Variants in OXR1 observed in about 807,000 individuals in gnomAD.
OXR1 encodes the protein oxidation resistance protein 1.
In OXR1, 41 loss-of-function variants were observed where a neutral mutation model predicts 104.6. The observed-to-expected ratio is 0.39, with a 90% CI of 0.31 to 0.51. OXR1 has a LOEUF of 0.51. Ranked by LOEUF, OXR1 falls within the 20% of genes least tolerant of loss-of-function variation. The pLI is 0.77. For synonymous variants in OXR1, 348 were observed against 348.4 expected (o/e 1.00, Z 0.01); for missense variants, 955 against 1,031.9 (o/e 0.93, Z 1.02).
intron 3 of OXR1, among the ~76,000 whole-genome samples, chr8:106,536,848 C>T (rs768024242): frequency 3.3e-5 from 5 of 152,156 alleles, no homozygotes; most frequent in Non-Finnish European, 5.9e-5. Context: ...TCTAACCAAA[C>T]TCACAAAGGA....
At chr8:106,304,409 A>G (rs2130104226) in intron 1 of OXR1, among the ~76,000 whole-genome samples, 1 of 152,310 alleles carries the variant, frequency 6.6e-6, no homozygotes, top group East Asian at 1.9e-4. Flanking sequence ...AGTCAGATGA[A>G]TCCACAGATT....
At chr8:106,443,172 T>C (rs1196682892) in intron 2 of OXR1, among the ~76,000 whole-genome samples, 1 of 152,224 alleles carries the variant, frequency 6.6e-6, no homozygotes, top group South Asian at 2.1e-4. Flanking sequence ...TTAGGAGTCA[T>C]TCAGGAACAC....
chr8:106,718,756 G>A (rs1045025679), intron 11 of OXR1, among the ~76,000 whole-genome samples: 15 of 151,482 alleles, frequency 9.9e-5, no homozygotes, highest in Non-Finnish European at 1.9e-4. Flanking sequence ...GGAGAATGGC[G>A]TGAACCTGGG....
chr8:106,716,900 T>TA (rs1832317165), intron 11 of OXR1, among the ~76,000 whole-genome samples: 1 of 152,194 alleles, frequency 6.6e-6, no homozygotes, highest in African/African-American at 2.4e-5. Context: ...ACTAAGTGCC[T>TA]AAAAAAATGT....
chr8:106,551,293 G>T (rs1815783465), intron 3 of OXR1, among the ~76,000 whole-genome samples: 1 of 152,164 alleles, frequency 6.6e-6, no homozygotes, highest in African/African-American at 2.4e-5. Flanking sequence ...GCTGTGATTA[G>T]GGAATATTTC....
intron 2 of OXR1, among the ~76,000 whole-genome samples, chr8:106,508,356 T>G (rs965364655): frequency 6.6e-6 from 1 of 152,214 alleles, no homozygotes; most frequent in African/African-American, 2.4e-5. Flanking sequence ...TTTTATAATT[T>G]TTTTTCTGAA....
At chr8:106,687,329 T>G (rs1828833080) in intron 6 of OXR1, among the ~76,000 whole-genome samples, 1 of 152,206 alleles carries the variant, frequency 6.6e-6, no homozygotes, top group Admixed American at 6.5e-5. Flanking sequence ...CCCCCTTACC[T>G]CTTTAGGGAT....
At chr8:106,373,571 G>T (rs1359579430) in intron 2 of OXR1, among the ~76,000 whole-genome samples, 1 of 152,114 alleles carries the variant, frequency 6.6e-6, no homozygotes, top group East Asian at 1.9e-4. Flanking sequence ...CTATGGTACT[G>T]GTTATAGATG....
chr8:106,724,370 A>G (rs1338363095), intron 11 of OXR1, among the ~76,000 whole-genome samples: 4 of 152,176 alleles, frequency 2.6e-5, no homozygotes, highest in African/African-American at 9.7e-5. Flanking sequence ...ACTTAGCAAT[A>G]TGTATTATAA....
At chr8:106,274,139 T>C (rs988821220) in intron 1 of OXR1, among the ~76,000 whole-genome samples, 1 of 152,176 alleles carries the variant, frequency 6.6e-6, no homozygotes, top group African/African-American at 2.4e-5. Flanking sequence ...GGTAAGAATG[T>C]CGTATAATTT....
chr8:106,383,460 C>G (rs1196800376), intron 2 of OXR1, among the ~76,000 whole-genome samples: 1 of 152,156 alleles, frequency 6.6e-6, no homozygotes, highest in Admixed American at 6.6e-5. Flanking sequence ...GATGTGTGCC[C>G]TTGTCATTGC....
At chr8:106,369,941 A>G (rs1816635176) in intron 2 of OXR1, among the ~76,000 whole-genome samples, 1 of 152,196 alleles carries the variant, frequency 6.6e-6, no homozygotes, top group South Asian at 2.1e-4. Context: ...GAAGAATGTC[A>G]GTGATAGTTT....
chr8:106,546,998 C>G (rs1815407272), intron 3 of OXR1, among the ~76,000 whole-genome samples: 1 of 151,876 alleles, frequency 6.6e-6, no homozygotes. Flanking sequence ...TTAAGCAATT[C>G]TCCTGCCTCA....
At chr8:106,685,788 G>A (rs3134129) in intron 6 of OXR1, among the ~76,000 whole-genome samples, 44,622 of 151,606 alleles carry the variant, frequency 0.29, 8,426 homozygotes, top group African/African-American at 0.54. Flanking sequence ...TATCTACCCC[G>A]AGGAAAAGAA....
chr8:106,727,399 C>T (rs187975315), intron 11 of OXR1, among the ~76,000 whole-genome samples: 1 of 152,190 alleles, frequency 6.6e-6, no homozygotes, highest in Admixed American at 6.5e-5. Context: ...GTCACCACGT[C>T]CAAGGCCTGT....
At chr8:106,527,345 T>G (rs1025515160) in intron 3 of OXR1, among the ~76,000 whole-genome samples, 1 of 152,166 alleles carries the variant, frequency 6.6e-6, no homozygotes, top group East Asian at 1.9e-4. Flanking sequence ...TTGACCTTTG[T>G]GGATCTGATC....
Position 106,710,712 on chromosome 8 carries a change from C to A in OXR1, c.1715C>A (p.Ser572Tyr). 1 of 1,603,676 alleles carries A rather than the reference C, an allele frequency of 6.2e-7. No individual in the cohort carries two copies. The highest frequency in any genetic ancestry group is 1.1e-5 in the South Asian group (1 of 89,672). The change falls in exon 10 of 17, where the codon TCT becomes TAT. Residue 572 changes from serine (S) to tyrosine (Y), a missense_variant. By Grantham distance (144) the Ser-to-Tyr change is moderately radical (BLOSUM62 -2). Around this residue, in one of 2 missense-constraint regions of OXR1, gnomAD observed 849 missense variants for 852.9 expected, o/e 1.00. Coordinates refer to ENST00000517566, the MANE Select transcript of OXR1 (RefSeq NM_001198533.2). ...AAACCAATGAGGAAAACGTTTGTAT[C>A]TCAAGCAAGTGCTACAATGCAACAG... is the stretch of plus-strand genomic sequence containing the variant. ...VGKPMRKTFV[S>Y]QASATMQQYA... is the part of the protein sequence containing the mutation.
intron 3 of OXR1, among the ~76,000 whole-genome samples, chr8:106,624,137 A>T (rs985543576): frequency 6.6e-6 from 1 of 152,138 alleles, no homozygotes; most frequent in East Asian, 1.9e-4. Context: ...CTGATTTGAC[A>T]AGGTCACTCT....
chr8:106,491,003 G>A (rs942904295), intron 2 of OXR1, among the ~76,000 whole-genome samples: 5 of 152,174 alleles, frequency 3.3e-5, no homozygotes, highest in African/African-American at 1.2e-4. Flanking sequence ...TGTCCTGGGT[G>A]TCCTATCTGC....
Sources: allele counts gnomAD v4.1 joint callset (sites outside exome capture counted in the v4.1 genomes callset), GRCh38; gene constraint gnomAD v4.1.1; regional missense constraint gnomAD v4.1.1; transcripts MANE v1.5; gene names NCBI Gene and HGNC (gene_info 2026-07-23, HGNC 2026-07-21).